The following SV2C variants were observed in gnomAD, a reference collection of about 807,000 sequenced individuals.
SV2C encodes solute carrier family 22 member B3.
Under a neutral mutation model 79.7 loss-of-function variants are expected in SV2C, and 49 were observed. The ratio of observed to expected loss-of-function variants is 0.61; its 90% CI spans 0.49 to 0.78. The LOEUF (loss-of-function observed/expected upper bound fraction) is 0.78. SV2C is among the 30% of genes least tolerant of loss of function. The probability of loss-of-function intolerance (pLI) is 0.00; values close to 1 mark genes in which losing one functional copy is unlikely to be tolerated. For missense variants in SV2C, 833 were observed against 912.9 expected, an observed-to-expected ratio of 0.91 and a Z score of 1.13; for synonymous variants, 334 against 333.2, an observed-to-expected ratio of 1.00 and a Z score of -0.03.
chr5:76,221,119 T>C (rs185316667), intron 4 of SV2C, among the ~76,000 whole-genome samples: 11 of 152,314 alleles, frequency 7.2e-5, no homozygotes, highest in Non-Finnish European at 1.5e-4. Context: ...ATCTAATGTT[T>C]AAGTGTGGCC....
At chr5:75,911,589 A>G in the SV2C span, 1 of 683,932 alleles carries the variant, frequency 1.5e-6, no homozygotes. Context: ...CAGAACTACA[A>G]AAGAAGCCAG....
chr5:75,900,657 G>A, the SV2C span, among the ~76,000 whole-genome samples: 2 of 152,142 alleles, frequency 1.3e-5, no homozygotes, highest in Non-Finnish European at 2.9e-5. Context: ...CCTGCAGAGT[G>A]TTTTCCAACT....
intron 12 of SV2C, among the ~76,000 whole-genome samples, chr5:76,340,284 C>T (rs1366927007): frequency 6.6e-6 from 1 of 152,192 alleles, no homozygotes; most frequent in African/African-American, 2.4e-5. Context: ...CTATACGTAT[C>T]CTTAGTCCAG....
At chr5:75,861,829 A>G in the SV2C span, among the ~76,000 whole-genome samples, 1 of 152,142 alleles carries the variant, frequency 6.6e-6, no homozygotes, top group African/African-American at 2.4e-5. Flanking sequence ...GGGAAGAGAG[A>G]GAGGAGGGCA....
intron 2 of SV2C, among the ~76,000 whole-genome samples, chr5:76,167,069 A>G (rs984886848): frequency 3.3e-5 from 5 of 152,182 alleles, no homozygotes; most frequent in Admixed American, 2.0e-4. Flanking sequence ...TTACATAGTG[A>G]TCCTCTTCTG....
At chr5:76,047,766 CTTT>C in the SV2C span, among the ~76,000 whole-genome samples, 3 of 129,252 alleles carry the variant, frequency 2.3e-5, no homozygotes, top group Non-Finnish European at 3.3e-5. Flanking sequence ...TTTTTCTTTT[CTTT>C]TTTTTTTTTT....
At chr5:75,924,457 A>G in the SV2C span, among the ~76,000 whole-genome samples, 1 of 152,214 alleles carries the variant, frequency 6.6e-6, no homozygotes, top group Non-Finnish European at 1.5e-5. Flanking sequence ...CTTTTGTCTT[A>G]TACAATAAAA....
At chr5:76,057,262 G>A in the SV2C span, among the ~76,000 whole-genome samples, 1 of 151,940 alleles carries the variant, frequency 6.6e-6, no homozygotes, top group East Asian at 1.9e-4. Context: ...AAGTTTCAGG[G>A]TACATGTGCA....
chr5:75,898,245 C>G, the SV2C span, among the ~76,000 whole-genome samples: 2 of 152,162 alleles, frequency 1.3e-5, no homozygotes, highest in Non-Finnish European at 2.9e-5. Context: ...TACGTCCCAT[C>G]AATATCTATT....
chr5:75,965,431 G>A, the SV2C span, among the ~76,000 whole-genome samples: 1 of 152,118 alleles, frequency 6.6e-6, no homozygotes, highest in Non-Finnish European at 1.5e-5. Flanking sequence ...AATAAGATTA[G>A]TGCTCTAATA....
chr5:76,194,407 T>C (rs1744203407), intron 2 of SV2C, among the ~76,000 whole-genome samples: 1 of 152,214 alleles, frequency 6.6e-6, no homozygotes, highest in Non-Finnish European at 1.5e-5. Flanking sequence ...CCTGGGTCAA[T>C]CCTTCTGCTT....
chr5:76,024,144 T>G, the SV2C span, among the ~76,000 whole-genome samples: 1 of 151,558 alleles, frequency 6.6e-6, no homozygotes, highest in Non-Finnish European at 1.5e-5. Flanking sequence ...TATGTATCTT[T>G]AAATCATGTT....
intron 2 of SV2C, among the ~76,000 whole-genome samples, chr5:76,190,004 G>A (rs1181307918): frequency 6.6e-6 from 1 of 152,142 alleles, no homozygotes; most frequent in Non-Finnish European, 1.5e-5. Flanking sequence ...AAAAAGTTGG[G>A]TACAAACATA....
chr5:76,182,025 T>C (rs904109461), intron 2 of SV2C, among the ~76,000 whole-genome samples: 11 of 152,296 alleles, frequency 7.2e-5, no homozygotes, highest in African/African-American at 2.6e-4. Flanking sequence ...TCTCCAGGAC[T>C]GTTGTGTAGT....
intron 12 of SV2C, chr5:76,311,209 C>G (rs1056020441): frequency 6.6e-6 from 1 of 152,304 alleles, no homozygotes; most frequent in African/African-American, 2.4e-5. Context: ...CTATCTTGAT[C>G]CTAAACCTTC....
chr5:76,009,656 A>T, the SV2C span, among the ~76,000 whole-genome samples: 1 of 152,178 alleles, frequency 6.6e-6, no homozygotes, highest in African/African-American at 2.4e-5. Flanking sequence ...AATTCAAGAA[A>T]AGAAAACAAA....
In SV2C at chr5:76,240,174, C is replaced by A. The variant is rs543152038; in HGVS notation, c.913+30287C>A. Among the ~76,000 whole-genome samples, 11 of 152,276 alleles carry A rather than the reference C, an allele frequency of 7.2e-5. No individual in the cohort carries two copies. In the South Asian group the frequency reaches 2.3e-3, roughly 32 times the overall value. On this transcript the variant is annotated intron_variant, in intron 4 of 12. Transcript: ENST00000502798. ...GCACCCCTACAGCATAAAATTGTGGCACGTGTGAGGGAGAACATAGTGTTG... is the reference window on the plus strand; with the variant it reads ...GCACCCCTACAGCATAAAATTGTGGAACGTGTGAGGGAGAACATAGTGTTG...
chr5:76,132,096 G>A lies in SV2C; in HGVS notation c.346G>A (p.Glu116Lys), dbSNP rs1347409889. 1.2e-6 allele frequency: 2 copies of A among 1,613,560 alleles called. No individual in the cohort carries two copies. Among genetic ancestry groups the A allele is most frequent in the Non-Finnish European group, 1.7e-6 (2 of 1,179,720 alleles). Reference protein sequence around the residue: ...IVSVGQPKGDEYKDRRELESE... With the variant: ...IVSVGQPKGDKYKDRRELESE... ...GTCAGTGGGGCAGCCCAAGGGCGAT[G>A]AGTACAAGGACCGGCGGGAGCTGGA... The change falls in exon 2 of 13, where the codon GAG becomes AAG. Residue 116 changes from glutamate (E) to lysine (K), a missense_variant. Transcript: ENST00000502798.
At chr5:75,928,509 G>T in the SV2C span, among the ~76,000 whole-genome samples, 1 of 152,204 alleles carries the variant, frequency 6.6e-6, no homozygotes, top group Non-Finnish European at 1.5e-5. Context: ...TATCCAGGGG[G>T]TCTATGAACT....
Sources: gnomAD v4.1 joint callset for allele counts (sites outside exome capture counted in the v4.1 genomes callset) on GRCh38, gnomAD v4.1.1 for gene constraint, MANE v1.5 for transcripts, NCBI Gene and HGNC (gene_info 2026-07-23, HGNC 2026-07-21) for gene names.